TBRG1: variants seen among roughly 807,000 people sequenced by gnomAD.
The protein encoded by TBRG1 is nuclear interactor of ARF and MDM2.
TBRG1 carries 31 observed loss-of-function variants against 44.0 expected under a neutral mutation model. The ratio of observed to expected loss-of-function variants is 0.70; its 90% CI spans 0.53 to 0.95. TBRG1 has a LOEUF of 0.95. Among genes scored for constraint, TBRG1 ranks in the 40% least tolerant of loss-of-function variants. The pLI is 0.00. For synonymous variants in TBRG1, 171 were observed against 188.1 expected, an observed-to-expected ratio of 0.91 and a Z score of 0.74; for missense variants, 487 against 496.1, an observed-to-expected ratio of 0.98 and a Z score of 0.18.
At position 124,633,344 on chromosome 11, in the gene TBRG1, A is replaced by G. The variant is rs1004638871; in HGVS notation, c.*1106A>G. ...TAGCATTAAGGTAGAGGTTTACTCT[A>G]TCACCTAACACCTCAACACTACCTG... On this transcript the variant is annotated 3_prime_UTR_variant, in exon 9 of 9. Transcript: ENST00000441174. 4 of 152,328 alleles carry G rather than the reference A, an allele frequency of 2.6e-5. No homozygotes were observed. Among genetic ancestry groups the G allele is most frequent in the African/African-American group, 9.6e-5 (4 of 41,576 alleles). 9.4% of individuals were successfully genotyped at this position (152,328 alleles called of 1,614,324 possible). A position where few individuals can be genotyped will look rare whatever the true frequency, so the allele number is the denominator to read the frequency against.
chr11:124,623,312 C>A, intron 1 of TBRG1, 79 bp downstream of exon 1: 1 of 1,452,128 alleles, frequency 6.9e-7, no homozygotes, highest in South Asian at 1.2e-5. Context: ...TCCCCCTTCC[C>A]AGTGTGACAG....
chr11:124,631,203 C>A (rs1275493824), intron 7 of TBRG1, 72 bp from the exon 8 acceptor site: 3 of 1,406,372 alleles, frequency 2.1e-6, no homozygotes, highest in Non-Finnish European at 2.9e-6. Flanking sequence ...ATTACCTGAT[C>A]CCTTTAGTGA....
Position 124,627,017 on chromosome 11 carries a change from C to A in TBRG1, c.705C>A (p.Thr235=), listed in dbSNP as rs776680560. The A allele has an allele frequency of 1.3e-6, 2 of 1,557,296 alleles. No homozygotes were observed. Among genetic ancestry groups the A allele is most frequent in the South Asian group, 2.4e-5 (2 of 84,528 alleles). The change falls in exon 5 of 9, where the codon ACC becomes ACA. Residue 235 remains threonine (T), a synonymous_variant. Coordinates refer to ENST00000441174, the MANE Select transcript of TBRG1 (RefSeq NM_032811.3). The stretch of plus-strand genomic sequence containing the variant: ...GCCCAGACCAGAAGTGTCTATATAC[C>A]TGTCAGATCAAGGATGGTGGTGTGC... ...MKCPDQKCLY[T]CQIKDGGVQP...
At chr11:124,631,956 A>T (rs1942623515) in intron 8 of TBRG1, 137 bp from the exon 9 acceptor site, 1 of 720,802 alleles carries the variant, frequency 1.4e-6, no homozygotes, top group East Asian at 2.5e-5. Context: ...TATCTGTCCT[A>T]TCTTAACAAA....
rs369320849 is a variant in TBRG1, at chr11:124,626,952, G to C, written c.640G>C (p.Val214Leu). Residue 214 changes from valine (V) to leucine (L), a missense_variant, in exon 5 of 9, where the codon GTG becomes CTG. Physicochemically the swap from Val to Leu is conservative, Grantham distance 32. Coordinates refer to ENST00000441174, the MANE Select transcript of TBRG1 (RefSeq NM_032811.3). Reference sequence around the variant, plus strand: ...TCATGATGAGAGTGCCATCTACCCCGTGGGCTATTGCAGTACTCGAATATA... The same window carrying C: ...TCATGATGAGAGTGCCATCTACCCCCTGGGCTATTGCAGTACTCGAATATA... ...GFHDESAIYP[V>L]GYCSTRIYAS... The C allele has an allele frequency of 6.2e-7, 1 of 1,602,860 alleles. No homozygotes were observed. The highest frequency in any genetic ancestry group is 2.2e-5 in the East Asian group (1 of 44,666).
chr11:124,626,780 C>T (rs1336274768), intron 4 of TBRG1, 124 bp from the exon 5 acceptor site: 1 of 1,483,828 alleles, frequency 6.7e-7, no homozygotes, highest in Admixed American at 2.0e-5. Flanking sequence ...ACAGCCTACT[C>T]TCTGTCTTTG....
In TBRG1 at chr11:124,630,741, T is replaced by G; in HGVS notation, c.837-4T>G. 6.3e-7 allele frequency: 1 copy of G among 1,596,490 alleles called. No homozygotes were observed. The highest frequency in any genetic ancestry group is 8.6e-7 in the Non-Finnish European group (1 of 1,169,358). On this transcript the variant is annotated splice_polypyrimidine_tract_variant and splice_region_variant and intron_variant, in intron 6 of 8. Transcript: ENST00000441174. Reference sequence around the variant, plus strand: ...CAAACTAAAATTATCCCTCTCCTGTTTAGGGGGAAACTAATGCCTAACCTG... The same window carrying G: ...CAAACTAAAATTATCCCTCTCCTGTGTAGGGGGAAACTAATGCCTAACCTG...
At chr11:124,623,551 G>A (rs1289214420) in intron 1 of TBRG1, 1 of 410,810 alleles carries the variant, frequency 2.4e-6, no homozygotes, top group Admixed American at 3.4e-5. Context: ...TTTGATTCTC[G>A]AGATACAGCC....
At chr11:124,630,215 G>A (rs1434275809) in intron 5 of TBRG1, 173 bp from the exon 6 acceptor site, 9 of 581,168 alleles carry the variant, frequency 1.5e-5, no homozygotes, top group Admixed American at 5.3e-5. Flanking sequence ...ACTTTCTCTA[G>A]GTACTTGGAT....
At chr11:124,630,581 T>C (rs1228608969) in intron 6 of TBRG1, 96 bp downstream of exon 6, 8 of 1,081,556 alleles carry the variant, frequency 7.4e-6, no homozygotes, top group African/African-American at 3.1e-5. Context: ...TACTTTATTT[T>C]ATAGAAACCT....
At chr11:124,627,167 C>G (rs1942494723) in intron 5 of TBRG1, 117 bp downstream of exon 5, 1 of 763,748 alleles carries the variant, frequency 1.3e-6, no homozygotes, top group South Asian at 1.8e-5. Context: ...TTGGGTAATC[C>G]CAAGATGCAG....
chr11:124,632,124 A>T lies in TBRG1; in HGVS notation c.1122A>T (p.Ala374=), dbSNP rs75601279. 30,727 of 1,613,632 alleles carry T rather than the reference A, an allele frequency of 0.019. 348 individuals are homozygous for T. Among genetic ancestry groups the T allele is most frequent in the South Asian group, 0.023 (2,064 of 91,076 alleles). Residue 374 remains alanine (A), a synonymous_variant, in exon 9 of 9, where the codon GCA becomes GCT. Transcript: ENST00000441174. ...GSLDLPELQP[A]AFVSSYQPMY... ...TGGACCTCCCAGAGCTTCAGCCTGC[A>T]GCCTTTGTGTCTTCTTACCAGCCCA...
intron 7 of TBRG1, 156 bp from the exon 8 acceptor site, chr11:124,631,119 G>T: frequency 1.4e-6 from 1 of 736,794 alleles, no homozygotes. Flanking sequence ...TCACTAAAGA[G>T]GCCTGCTTAT....
rs75359504 is a variant in TBRG1 at position 124,625,570 on chromosome 11, A to G, written c.222-101A>G. Reference sequence around the variant, plus strand: ...GAACCTTTCTTTTATGAGTATAGTAATCTTTGTATATAATTCTGGCTTTTC... The same window carrying G: ...GAACCTTTCTTTTATGAGTATAGTAGTCTTTGTATATAATTCTGGCTTTTC... On this transcript the variant is annotated intron_variant, in intron 2 of 8. Coordinates refer to ENST00000441174, the MANE Select transcript of TBRG1 (RefSeq NM_032811.3). 1.4e-3 allele frequency: 1,436 copies of G among 1,036,710 alleles called. 16 individuals are homozygous for G. The African/African-American group carries it at 0.02, about 14-fold the overall frequency. The allele number at this position is 1,036,710 out of a possible 1,614,324, so 64.2% of individuals were successfully genotyped here.
At chr11:124,623,412 C>G (rs1231957232) in intron 1 of TBRG1, 179 bp downstream of exon 1, 1 of 738,702 alleles carries the variant, frequency 1.4e-6, no homozygotes, top group Non-Finnish European at 2.4e-6. Context: ...GTGTCCTCAT[C>G]TGTAAATGAG....
Position 124,630,460 on chromosome 11 carries a change from C to G in TBRG1, c.811C>G (p.Leu271Val), listed in dbSNP as rs1374087543. Residue 271 changes from leucine (L) to valine (V), a missense_variant, in exon 6 of 9, where the codon CTG becomes GTG. Coordinates refer to ENST00000441174, the MANE Select transcript of TBRG1 (RefSeq NM_032811.3). ...SSSADACHAE[L>V]LRTISTTMGK... The stretch of plus-strand genomic sequence containing the variant: ...TTCTGCAGATGCTTGTCATGCAGAA[C>G]TGCTCAGGACTATAAGCACTACTAT... 1 of 1,613,148 alleles carries G rather than the reference C, an allele frequency of 6.2e-7. No homozygotes were observed. Among genetic ancestry groups the G allele is most frequent in the Non-Finnish European group, 8.5e-7 (1 of 1,179,082 alleles).
chr11:124,633,358 C>T lies in TBRG1; in HGVS notation c.*1120C>T, dbSNP rs1455937612. On this transcript the variant is annotated 3_prime_UTR_variant, in exon 9 of 9. Coordinates refer to ENST00000441174, the MANE Select transcript of TBRG1 (RefSeq NM_032811.3). ...AGGTTTACTCTATCACCTAACACCT[C>T]AACACTACCTGTGGGATGCCTTAGT... The T allele has an allele frequency of 6.6e-6, 1 of 152,208 alleles. No individual in the cohort carries two copies. The highest frequency in any genetic ancestry group is 1.5e-5 in the Non-Finnish European group (1 of 68,052). 9.4% of individuals were successfully genotyped at this position (152,208 alleles called of 1,614,324 possible).
Position 124,632,331 on chromosome 11 carries a change from AGT to A in TBRG1, c.*94_*95del, listed in dbSNP as rs1287474053. On this transcript the variant is annotated 3_prime_UTR_variant, in exon 9 of 9. Coordinates refer to ENST00000441174, the MANE Select transcript of TBRG1 (RefSeq NM_032811.3). Reference sequence around the variant, plus strand: ...ATATGAAAGAAGGCAGCAATTCAGAAGTAAAGAAGATACTAACGTATTTCATC... The same window carrying A: ...ATATGAAAGAAGGCAGCAATTCAGAAAAAGAAGATACTAACGTATTTCATC... 287 of 1,104,268 alleles carry A rather than the reference AGT, an allele frequency of 2.6e-4. 5 individuals are homozygous for A. In the African/African-American group the frequency reaches 3.6e-3, roughly 14 times the overall value. The allele number at this position is 1,104,268 out of a possible 1,614,324, so 68.4% of individuals were successfully genotyped here.
intron 8 of TBRG1, 110 bp downstream of exon 8, chr11:124,631,527 C>A: frequency 8.3e-7 from 1 of 1,207,160 alleles, no homozygotes; most frequent in South Asian, 1.3e-5. Flanking sequence ...GTGATAAAAG[C>A]TTTCATTGAA....
Sources: allele counts gnomAD v4.1 joint callset, GRCh38; gene constraint gnomAD v4.1.1; transcripts MANE v1.5; gene names NCBI Gene and HGNC (gene_info 2026-07-23, HGNC 2026-07-21).